The following MAP1B variants were observed in gnomAD, a reference collection of about 807,000 sequenced individuals.
MAP1B encodes microtubule-associated protein 1B.
MAP1B carries 12 observed loss-of-function variants against 176.1 expected under a neutral mutation model. That is an observed-to-expected ratio of 0.07 (90% CI 0.04 to 0.11). MAP1B has a LOEUF of 0.11. MAP1B is among the 10% of genes least tolerant of loss of function. The pLI is 1.00. For missense variants in MAP1B, 2,523 were observed against 2,990.5 expected (o/e 0.84, Z 3.65); for synonymous variants, 1,044 against 1,135.0 (o/e 0.92, Z 1.61).
Position 72,195,028 on chromosome 5 carries a change from G to A in MAP1B, c.1673G>A (p.Arg558His), listed in dbSNP as rs756043501. 24 of 1,614,016 alleles carry A rather than the reference G, an allele frequency of 1.5e-5. No individual in the cohort carries two copies. The highest frequency in any genetic ancestry group is 4.5e-5 in the East Asian group (2 of 44,868). ...AAKPLPSKSV[R>H]KESKEETPEV... is the part of the protein sequence containing the mutation. ...AAACCACTTCCTAGCAAATCCGTGC[G>A]CAAGGAGTCAAAAGAAGAAACCCCT... Residue 558 changes from arginine to histidine, a missense_variant, in exon 5 of 7, where the codon CGC becomes CAC. Physicochemically the swap from Arg to His is conservative, Grantham distance 29 (BLOSUM62 0). Transcript: ENST00000296755.
intron 2 of MAP1B, among the ~76,000 whole-genome samples, chr5:72,155,892 A>G (rs1341586401): frequency 1.3e-5 from 2 of 150,026 alleles, no homozygotes; most frequent in African/African-American, 2.5e-5. Flanking sequence ...TTAGCCTCCC[A>G]AGTAGCTGGG....
intron 2 of MAP1B, among the ~76,000 whole-genome samples, chr5:72,126,796 A>G (rs1745640855): frequency 6.6e-6 from 1 of 152,242 alleles, no homozygotes; most frequent in Non-Finnish European, 1.5e-5. Context: ...GCACAGCTTT[A>G]TGACACTCAG....
Position 72,199,091 on chromosome 5 carries a change from C to T in MAP1B, c.5736C>T (p.Thr1912=). The change falls in exon 5 of 7, where the codon ACC becomes ACT. Residue 1912 remains threonine, a synonymous_variant. Coordinates refer to ENST00000296755, the MANE Select transcript of MAP1B (RefSeq NM_005909.5). This position sits in a 1 kb window ranked among gnomAD's most constrained non-coding sequence, Gnocchi z 4.2. The part of the protein sequence containing the change: ...GGYYYEKIER[T]TKSPSDSGYS... ...ATTACTATGAGAAGATAGAGAGAACCACAAAATCTCCAAGTGACAGTGGCT... is the reference window on the plus strand; with the variant it reads ...ATTACTATGAGAAGATAGAGAGAACTACAAAATCTCCAAGTGACAGTGGCT... 1 of 1,614,028 alleles carries T rather than the reference C, an allele frequency of 6.2e-7. No homozygotes were observed. Among genetic ancestry groups the T allele is most frequent in the Non-Finnish European group, 8.5e-7 (1 of 1,179,978 alleles).
At chr5:72,165,354 C>CAATG (rs1313750438) in intron 2 of MAP1B, among the ~76,000 whole-genome samples, 3 of 152,180 alleles carry the variant, frequency 2.0e-5, no homozygotes, top group Admixed American at 6.5e-5. Flanking sequence ...TTTGTCAAAT[C>CAATG]AATGAATGAA....
intron 1 of MAP1B, among the ~76,000 whole-genome samples, chr5:72,111,848 C>G (rs765121753): frequency 6.6e-6 from 1 of 152,080 alleles, no homozygotes; most frequent in African/African-American, 2.4e-5. Flanking sequence ...AAGATGTTAT[C>G]TCAGACCTAA....
At chr5:72,190,324 G>A (rs1306347121) in intron 4 of MAP1B, among the ~76,000 whole-genome samples, 2 of 152,104 alleles carry the variant, frequency 1.3e-5, no homozygotes, top group Admixed American at 6.5e-5. Context: ...GTTAAGTACA[G>A]GGCCATGCCA....
intron 2 of MAP1B, among the ~76,000 whole-genome samples, chr5:72,144,173 CTTCT>C (rs1286603842): frequency 9.9e-5 from 15 of 151,962 alleles, no homozygotes; most frequent in African/African-American, 2.2e-4. Context: ...GTACACCTTC[CTTCT>C]ATGTTGTTGT....
intron 2 of MAP1B, among the ~76,000 whole-genome samples, chr5:72,183,434 C>T (rs1746821717): frequency 6.6e-6 from 1 of 152,304 alleles, no homozygotes. Context: ...TTTCCTGGCA[C>T]CCACCCTTGT....
intron 2 of MAP1B, among the ~76,000 whole-genome samples, chr5:72,139,078 C>G (rs1297008374): frequency 6.6e-6 from 1 of 152,128 alleles, no homozygotes. Context: ...GAAAATAGAG[C>G]TCATTTGAGT....
chr5:72,198,874 C>T lies in MAP1B; in HGVS notation c.5519C>T (p.Thr1840Ile), dbSNP rs1477825552. ...TTCCGTGCCTCAGTGTTATTCGATA[C>T]AATGCAACACCATCTAGCCTTGAAT... is the stretch of plus-strand genomic sequence containing the variant. ...YGFRASVLFD[T>I]MQHHLALNRD... The change falls in exon 5 of 7, where the codon ACA becomes ATA. Residue 1840 changes from threonine (T) to isoleucine (I), a missense_variant. Thr to Ile is a moderately conservative substitution (Grantham distance 89). Transcript: ENST00000296755. 6.2e-7 allele frequency: 1 copy of T among 1,614,230 alleles called. No individual in the cohort carries two copies.
At chr5:72,108,261 C>G (rs1325883654) in intron 1 of MAP1B, among the ~76,000 whole-genome samples, 1 of 152,234 alleles carries the variant, frequency 6.6e-6, no homozygotes, top group Non-Finnish European at 1.5e-5. Context: ...AATGACTAGG[C>G]TAGTCCTAGG....
At chr5:72,135,660 T>C (rs1745826394) in intron 2 of MAP1B, among the ~76,000 whole-genome samples, 1 of 152,156 alleles carries the variant, frequency 6.6e-6, no homozygotes, top group African/African-American at 2.4e-5. Flanking sequence ...CATATTTGGA[T>C]CCCAGAATGT....
Position 72,198,862 on chromosome 5 carries a change from T to C in MAP1B, c.5507T>C (p.Val1836Ala). 6.2e-7 allele frequency: 1 copy of C among 1,614,190 alleles called. No homozygotes were observed. Among genetic ancestry groups the C allele is most frequent in the South Asian group, 1.1e-5 (1 of 91,078 alleles). Residue 1836 changes from valine to alanine, a missense_variant, in exon 5 of 7, where the codon GTG becomes GCG. Physicochemically the swap from Val to Ala is moderately conservative, Grantham distance 64. Transcript: ENST00000296755. The part of the protein sequence containing the change: ...SAEPYGFRAS[V>A]LFDTMQHHLA... ...GAGCCCTATGGCTTCCGTGCCTCAG[T>C]GTTATTCGATACAATGCAACACCAT...
Position 72,195,401 on chromosome 5 carries a change from A to G in MAP1B, c.2046A>G (p.Lys682=). 2 of 1,560,458 alleles carry G rather than the reference A, an allele frequency of 1.3e-6. No individual in the cohort carries two copies. Among genetic ancestry groups the G allele is most frequent in the Admixed American group, 2.0e-5 (1 of 48,872 alleles). The change falls in exon 5 of 7, where the codon AAA becomes AAG. Residue 682 remains lysine (K), a synonymous_variant. Transcript: ENST00000296755. ...AACCAAAAAAGGAAGAGGTGAAAAA[A>G]GAAGTCAAAAAAGAGATCAAGAAAG... The part of the protein sequence containing the change: ...EEKPKKEEVK[K]EVKKEIKKEE...
In MAP1B at chr5:72,203,650, G is replaced by A. The variant is rs1295041692; in HGVS notation, c.7100G>A (p.Ser2367Asn). 1 of 1,614,168 alleles carries A rather than the reference G, an allele frequency of 6.2e-7. No individual in the cohort carries two copies. Among genetic ancestry groups the A allele is most frequent in the Non-Finnish European group, 8.5e-7 (1 of 1,180,016 alleles). The change falls in exon 6 of 7, where the codon AGC becomes AAC. Residue 2367 changes from serine to asparagine, a missense_variant. Coordinates refer to ENST00000296755, the MANE Select transcript of MAP1B (RefSeq NM_005909.5). ...YLDLCYIPNH[S>N]NSKNVDVEFF... ...GACCTGTGCTACATTCCTAACCACAGCAATAGTAAGAATGTTGATGTGGAA... is the reference window on the plus strand; with the variant it reads ...GACCTGTGCTACATTCCTAACCACAACAATAGTAAGAATGTTGATGTGGAA...
intron 2 of MAP1B, among the ~76,000 whole-genome samples, chr5:72,149,924 C>T (rs772471218): frequency 6.6e-6 from 1 of 152,152 alleles, no homozygotes; most frequent in Non-Finnish European, 1.5e-5. Flanking sequence ...CACTTGAGTG[C>T]GCCACTGGGA....
chr5:72,133,477 T>G (rs953567611), intron 2 of MAP1B, among the ~76,000 whole-genome samples: 5 of 152,158 alleles, frequency 3.3e-5, no homozygotes, highest in Non-Finnish European at 7.3e-5. Context: ...CTTTCCAACC[T>G]TCTTTGAGTC....
At chr5:72,159,227 A>C (rs1746285950) in intron 2 of MAP1B, among the ~76,000 whole-genome samples, 1 of 152,234 alleles carries the variant, frequency 6.6e-6, no homozygotes, top group Non-Finnish European at 1.5e-5. Flanking sequence ...GATTGTAAAA[A>C]GGCTGCTTTT....
At chr5:72,180,015 G>T in intron 2 of MAP1B, 1 of 753,996 alleles carries the variant, frequency 1.3e-6, no homozygotes, top group Non-Finnish European at 1.6e-6. Flanking sequence ...GGGCCACCTC[G>T]GCAGCAGGCG....
Sources: gnomAD v4.1 joint callset for allele counts (sites outside exome capture counted in the v4.1 genomes callset) on GRCh38, gnomAD v4.1.1 for gene constraint, Gnocchi (gnomAD v3.1) non-coding constraint, MANE v1.5 for transcripts, NCBI Gene and HGNC (gene_info 2026-07-23, HGNC 2026-07-21) for gene names.